Variants in HECW1 observed in about 807,000 individuals in gnomAD.
HECW1 encodes the protein E3 ubiquitin-protein ligase HECW1.
HECW1 carries 61 observed loss-of-function variants against 182.3 expected under a neutral mutation model. That is an observed-to-expected ratio of 0.33 (90% CI 0.27 to 0.41). HECW1 has a LOEUF of 0.41. HECW1 is among the 10% of genes least tolerant of loss of function. The pLI is 1.00. For synonymous variants in HECW1, 859 were observed against 832.6 expected (o/e 1.03, Z -0.55); for missense variants, 1,739 against 2,108.9 (o/e 0.82, Z 3.44).
chr7:43,309,306 G>T (rs750422439), intron 3 of HECW1, among the ~76,000 whole-genome samples: 4 of 152,134 alleles, frequency 2.6e-5, no homozygotes, highest in Non-Finnish European at 5.9e-5. Context: ...GGTGGGAGAG[G>T]GTGGGGTGCA....
Position 43,218,975 on chromosome 7 carries a change from G to A in HECW1, c.-31-24900G>A, listed in dbSNP as rs560903885. ...CCAAGAGAGGGAACTCACCTGTGGG[G>A]AACACCAGCCAGGTATATAAACAGG... On this transcript the variant is annotated intron_variant, in intron 2 of 29. Transcript: ENST00000395891. Among the ~76,000 whole-genome samples the A allele has an allele frequency of 1.2e-4, 19 of 152,252 alleles. No individual in the cohort carries two copies. In the South Asian group the frequency reaches 3.7e-3, roughly 30 times the overall value.
At chr7:43,514,017 G>A (rs1328813256) in intron 24 of HECW1, among the ~76,000 whole-genome samples, 1 of 152,142 alleles carries the variant, frequency 6.6e-6, no homozygotes, top group Non-Finnish European at 1.5e-5. Context: ...CCACCCTCCA[G>A]TCCCAATGGC....
chr7:43,492,321 G>A, intron 18 of HECW1, 141 bp downstream of exon 18: 1 of 618,824 alleles, frequency 1.6e-6, no homozygotes, highest in South Asian at 2.1e-5. Flanking sequence ...TTAGGATATA[G>A]TGCACACCCC....
At chr7:43,146,505 G>A (rs1189641821) in intron 2 of HECW1, among the ~76,000 whole-genome samples, 1 of 152,198 alleles carries the variant, frequency 6.6e-6, no homozygotes, top group East Asian at 1.9e-4. Context: ...AAATGAATAA[G>A]CCTTAACTGG....
chr7:43,449,239 G>A (rs2077158575), intron 11 of HECW1, among the ~76,000 whole-genome samples: 1 of 152,194 alleles, frequency 6.6e-6, no homozygotes, highest in Non-Finnish European at 1.5e-5. Flanking sequence ...ACAAACATGA[G>A]TGTGGTATCC....
Position 43,333,485 on chromosome 7 carries a change from A to C in HECW1, c.460+12743A>C, listed in dbSNP as rs374698936. 3.3e-4 allele frequency among the ~76,000 whole-genome samples: 51 copies of C among 152,362 alleles called. No homozygotes were observed. The South Asian group carries it at 0.01, about 31-fold the overall frequency. On this transcript the variant is annotated intron_variant, in intron 5 of 29. Transcript: ENST00000395891. ...TATAAAAGTATTACTTATTCCCTACAGAAAATTTGAGGAAAAGATCAAAGC... is the reference window on the plus strand; with the variant it reads ...TATAAAAGTATTACTTATTCCCTACCGAAAATTTGAGGAAAAGATCAAAGC...
chr7:43,365,786 A>G (rs1816565531), intron 6 of HECW1, among the ~76,000 whole-genome samples: 1 of 152,170 alleles, frequency 6.6e-6, no homozygotes, highest in African/African-American at 2.4e-5. Flanking sequence ...ATTCAAAGTA[A>G]AGTTATTTGC....
At chr7:43,513,500 T>C (rs1000814471) in intron 24 of HECW1, among the ~76,000 whole-genome samples, 2 of 152,226 alleles carry the variant, frequency 1.3e-5, no homozygotes, top group African/African-American at 4.8e-5. Context: ...TCCCTGTGTG[T>C]GGGCTTTGTA....
chr7:43,218,065 A>G (rs931299736), intron 2 of HECW1, among the ~76,000 whole-genome samples: 1 of 152,158 alleles, frequency 6.6e-6, no homozygotes, highest in African/African-American at 2.4e-5. Context: ...TTTGGAGGAG[A>G]GCTGTGTAAA....
intron 3 of HECW1, among the ~76,000 whole-genome samples, chr7:43,308,072 A>C (rs1198426938): frequency 9.3e-6 from 1 of 107,944 alleles, no homozygotes; most frequent in Non-Finnish European, 1.7e-5. Context: ...ATAATATATA[A>C]ATATAATATA....
chr7:43,547,442 G>A (rs77583698), intron 26 of HECW1, among the ~76,000 whole-genome samples: 22,570 of 151,986 alleles, frequency 0.15, 1,954 homozygotes, highest in East Asian at 0.34. Context: ...AGCTACTCGG[G>A]AGGCTGAGGC....
intron 6 of HECW1, chr7:43,377,637 A>G (rs2074383102): frequency 5.0e-6 from 1 of 201,052 alleles, no homozygotes; most frequent in African/African-American, 2.3e-5. Flanking sequence ...GCACAGAAAT[A>G]ACATTTTTTT....
chr7:43,336,047 T>C (rs1263717872), intron 5 of HECW1, among the ~76,000 whole-genome samples: 2 of 150,004 alleles, frequency 1.3e-5, no homozygotes, highest in African/African-American at 2.5e-5. Context: ...TCTCTCTCCT[T>C]CCTTCCTTCC....
rs560561201 is a variant in HECW1 at position 43,442,380 on chromosome 7, A to C, written c.945-149A>C. 110 of 596,906 alleles carry C rather than the reference A, an allele frequency of 1.8e-4. 1 individual carries two copies. The highest frequency in any genetic ancestry group is 1.8e-3 in the African/African-American group (98 of 54,248). 37.0% of individuals were successfully genotyped at this position (596,906 alleles called of 1,614,324 possible). ...GTTCAAGGGGCATCTGTATTCGATAAGGACTTCCTTACAGTTTTGTATTGC... is the reference window on the plus strand; with the variant it reads ...GTTCAAGGGGCATCTGTATTCGATACGGACTTCCTTACAGTTTTGTATTGC... On this transcript the variant is annotated intron_variant, in intron 9 of 29. Transcript: ENST00000395891.
At chr7:43,289,898 G>C (rs1049056782) in intron 3 of HECW1, among the ~76,000 whole-genome samples, 1 of 152,194 alleles carries the variant, frequency 6.6e-6, no homozygotes, top group Non-Finnish European at 1.5e-5. Flanking sequence ...ATGGGTTTTA[G>C]GGATTCTTTA....
chr7:43,525,991 A>T (rs1185873912), intron 24 of HECW1, among the ~76,000 whole-genome samples: 1 of 152,246 alleles, frequency 6.6e-6, no homozygotes, highest in East Asian at 1.9e-4. Flanking sequence ...TATCTAAAGA[A>T]AAATATCATC....
intron 3 of HECW1, chr7:43,258,401 G>T (rs1800818056): frequency 6.6e-6 from 1 of 151,874 alleles, no homozygotes; most frequent in African/African-American, 2.4e-5. Context: ...CCATTAAAAA[G>T]TAGTGGAGCT....
At chr7:43,395,751 T>C (rs1253125144) in intron 6 of HECW1, among the ~76,000 whole-genome samples, 1 of 152,192 alleles carries the variant, frequency 6.6e-6, no homozygotes, top group South Asian at 2.1e-4. Flanking sequence ...TGTGAAAAGA[T>C]GAATAATAAT....
chr7:43,239,903 G>A (rs553696704), intron 2 of HECW1: 1 of 152,294 alleles, frequency 6.6e-6, no homozygotes, highest in African/African-American at 2.4e-5. Flanking sequence ...ATAAAAAAGA[G>A]AACCTTACCC....
Sources: allele counts gnomAD v4.1 joint callset (sites outside exome capture counted in the v4.1 genomes callset), GRCh38; gene constraint gnomAD v4.1.1; transcripts MANE v1.5; gene names NCBI Gene and HGNC (gene_info 2026-07-23, HGNC 2026-07-21).